PPM1K: variants seen among roughly 807,000 people sequenced by gnomAD.
The protein encoded by PPM1K is protein phosphatase, Mg2+/Mn2+ dependent 1K, also known as protein phosphatase Mn(2+)-dependent 1K.
In PPM1K, 19 loss-of-function variants were observed where a neutral mutation model predicts 32.6. The ratio of observed to expected loss-of-function variants is 0.58; its 90% CI spans 0.41 to 0.86. The LOEUF (loss-of-function observed/expected upper bound fraction) is 0.86. PPM1K is among the 40% of genes least tolerant of loss of function. The pLI is 0.00. For missense variants in PPM1K, 362 were observed against 461.2 expected (o/e 0.78, Z 1.97); for synonymous variants, 159 against 165.3 (o/e 0.96, Z 0.29).
rs187092157 is a variant in PPM1K, at chr4:88,259,355, T to G, written c.*3240A>C. Reference sequence around the variant, plus strand: ...ATTTACTTCTGAATCTATAAAGTACTTAAGAACTTATACTTGTGGAAAATC... The same window carrying G: ...ATTTACTTCTGAATCTATAAAGTACGTAAGAACTTATACTTGTGGAAAATC... On this transcript the variant is annotated 3_prime_UTR_variant, in exon 7 of 7. Transcript: ENST00000608933. The G allele has an allele frequency of 1.3e-5, 2 of 152,108 alleles. No homozygotes were observed. Among genetic ancestry groups the G allele is most frequent in the East Asian group, 3.9e-4 (2 of 5,176 alleles). 9.4% of individuals were successfully genotyped at this position (152,108 alleles called of 1,614,324 possible).
rs1169945812 is a variant in PPM1K, at chr4:88,260,789, G to A, written c.*1806C>T. On this transcript the variant is annotated 3_prime_UTR_variant, in exon 7 of 7. Coordinates refer to ENST00000608933, the MANE Select transcript of PPM1K (RefSeq NM_152542.5). Reference sequence around the variant, plus strand: ...AAAAAAAAAGTCAACTCAAAACACAGTTGAAGGTATATACTACATCAACTT... The same window carrying A: ...AAAAAAAAAGTCAACTCAAAACACAATTGAAGGTATATACTACATCAACTT... 6.6e-6 allele frequency: 1 copy of A among 150,574 alleles called. No homozygotes were observed. The highest frequency in any genetic ancestry group is 2.4e-5 in the African/African-American group (1 of 40,988). The allele number at this position is 150,574 out of a possible 1,614,324, so 9.3% of individuals were successfully genotyped here.
intron 1 of PPM1K, among the ~76,000 whole-genome samples, chr4:88,279,924 A>T (rs1241699473): frequency 1.3e-5 from 2 of 152,238 alleles, no homozygotes; most frequent in African/African-American, 4.8e-5. Context: ...GTATAAACAT[A>T]CACAAATGAA....
intron 3 of PPM1K, among the ~76,000 whole-genome samples, chr4:88,269,286 G>A (rs1247328023): frequency 6.6e-6 from 1 of 152,136 alleles, no homozygotes; most frequent in Non-Finnish European, 1.5e-5. Context: ...ATGATGGTGG[G>A]ATGACTTAGG....
intron 1 of PPM1K, among the ~76,000 whole-genome samples, chr4:88,282,380 A>G (rs1020091338): frequency 1.3e-5 from 2 of 152,198 alleles, no homozygotes; most frequent in Admixed American, 6.5e-5. Context: ...ATCCCTCTAG[A>G]AAAAATATTT....
intron 5 of PPM1K, among the ~76,000 whole-genome samples, chr4:88,267,589 G>A (rs1731388552): frequency 6.6e-6 from 1 of 152,224 alleles, no homozygotes; most frequent in African/African-American, 2.4e-5. Context: ...TGAAAAGGCA[G>A]GGGTACACTT....
intron 6 of PPM1K, among the ~76,000 whole-genome samples, chr4:88,264,524 T>C (rs895230965): frequency 6.6e-6 from 1 of 152,216 alleles, no homozygotes; most frequent in Non-Finnish European, 1.5e-5. Flanking sequence ...GGGAACCTAG[T>C]TGTCTGGGTT....
chr4:88,281,207 C>T (rs1417909642), intron 1 of PPM1K, among the ~76,000 whole-genome samples: 3 of 152,176 alleles, frequency 2.0e-5, no homozygotes, highest in Non-Finnish European at 4.4e-5. Context: ...ATTCTTTTGG[C>T]TTCGGTCTGA....
chr4:88,266,329 T>C (rs1214756090), intron 5 of PPM1K, among the ~76,000 whole-genome samples: 3 of 151,822 alleles, frequency 2.0e-5, no homozygotes, highest in African/African-American at 7.2e-5. Flanking sequence ...AGGTGGGCGA[T>C]TATTTGGCTT....
chr4:88,277,939 C>T, intron 2 of PPM1K: 1 of 594,788 alleles, frequency 1.7e-6, no homozygotes. Context: ...ATGCTTTCCC[C>T]AGGGGAGTTG....
rs747323013 is a variant in PPM1K, at chr4:88,259,181, G to C, written c.*3414C>G. The C allele has an allele frequency of 6.6e-6, 1 of 150,912 alleles. No homozygotes were observed. The highest frequency in any genetic ancestry group is 1.5e-5 in the Non-Finnish European group (1 of 67,916). The allele number at this position is 150,912 out of a possible 1,614,324, so 9.3% of individuals were successfully genotyped here. A position where few individuals can be genotyped will look rare whatever the true frequency, so the allele number is the denominator to read the frequency against. ...CTCAGGAGGCTGAGGCAGAAGAATCGTTTGAACCCGGGAGGCAGAGGTTGC... is the reference window on the plus strand; with the variant it reads ...CTCAGGAGGCTGAGGCAGAAGAATCCTTTGAACCCGGGAGGCAGAGGTTGC... On this transcript the variant is annotated 3_prime_UTR_variant, in exon 7 of 7. Coordinates refer to ENST00000608933, the MANE Select transcript of PPM1K (RefSeq NM_152542.5).
At chr4:88,276,577 A>G in intron 3 of PPM1K, 1 of 985,446 alleles carries the variant, frequency 1.0e-6, no homozygotes, top group South Asian at 4.7e-5. Flanking sequence ...ATCACTAGTT[A>G]CCAGAGAAAA....
At chr4:88,282,078 T>C (rs1732036008) in intron 1 of PPM1K, among the ~76,000 whole-genome samples, 1 of 152,058 alleles carries the variant, frequency 6.6e-6, no homozygotes, top group African/African-American at 2.4e-5. Flanking sequence ...TTGGGATGAG[T>C]TCATTATTCC....
In PPM1K at chr4:88,268,062, C is replaced by T. The variant is rs1016658404; in HGVS notation, c.852+128G>A. Reference sequence around the variant, plus strand: ...TATTTTACCTGAAAAGTTTTTTTATCCTTCCATAAATTACTCCCTTTTAAA... The same window carrying T: ...TATTTTACCTGAAAAGTTTTTTTATTCTTCCATAAATTACTCCCTTTTAAA... On this transcript the variant is annotated intron_variant, in intron 5 of 6. Coordinates refer to ENST00000608933, the MANE Select transcript of PPM1K (RefSeq NM_152542.5). 5 of 975,942 alleles carry T rather than the reference C, an allele frequency of 5.1e-6. No homozygotes were observed. In the African/African-American group the frequency reaches 6.6e-5, roughly 13 times the overall value. The allele number at this position is 975,942 out of a possible 1,614,324, so 60.5% of individuals were successfully genotyped here. A position where few individuals can be genotyped will look rare whatever the true frequency, so the allele number is the denominator to read the frequency against.
In PPM1K at chr4:88,268,774, TC is replaced by T; in HGVS notation, c.673del (p.Asp225ThrfsTer20). 5.0e-6 allele frequency: 8 copies of T among 1,614,044 alleles called. No individual in the cohort carries two copies. Among genetic ancestry groups the T allele is most frequent in the Non-Finnish European group, 6.8e-6 (8 of 1,179,908 alleles). Reference protein sequence around the residue: ...RKGKPMKLTIDHTPERKDEKE... With the variant: ...RKGKPMKLTIXHTPERKDEKE... ...TTCATCTTTTCTTTCTGGAGTATGG[TC>T]AATGGTCAGCTTCATGGGTTTTCCT... On this transcript the variant is annotated frameshift_variant, in exon 4 of 7. Transcript: ENST00000608933. LOFTEE classifies it high-confidence loss of function.
At position 88,268,208 on chromosome 4, in the gene PPM1K, A is replaced by G. The variant is rs768281546; in HGVS notation, c.834T>C (p.Pro278=). The change falls in exon 5 of 7, where the codon CCT becomes CCC. Residue 278 remains proline (P), a synonymous_variant. Transcript: ENST00000608933. ...TTCTTACCTTAATCCTCTTAGTTTCAGGTTCTGCTATGACACCACTGGTCT... is the reference window on the plus strand; with the variant it reads ...TTCTTACCTTAATCCTCTTAGTTTCGGGTTCTGCTATGACACCACTGGTCT... The part of the protein sequence containing the change: ...DLKTSGVIAE[P]ETKRIKLHHA... 5 of 1,614,122 alleles carry G rather than the reference A, an allele frequency of 3.1e-6. No homozygotes were observed. The East Asian group carries it at 6.7e-5, about 22-fold the overall frequency.
chr4:88,281,869 C>T (rs796483794), intron 1 of PPM1K, among the ~76,000 whole-genome samples: 23 of 152,228 alleles, frequency 1.5e-4, no homozygotes, highest in African/African-American at 4.6e-4. Flanking sequence ...GATCTGCCAT[C>T]ATAGACCCCA....
In PPM1K at chr4:88,271,143, A is replaced by C. The variant is rs780860100; in HGVS notation, c.542-2237T>G. 9.6e-6 allele frequency: 5 copies of C among 518,238 alleles called. No homozygotes were observed. The Admixed American group carries it at 9.7e-5, about 10-fold the overall frequency. 32.1% of individuals were successfully genotyped at this position (518,238 alleles called of 1,614,324 possible). ...CTCTTTCCACTGAAGCCCCGCATATAGTGTCCACGGGCTCCAGGTCTAGAG... is the reference window on the plus strand; with the variant it reads ...CTCTTTCCACTGAAGCCCCGCATATCGTGTCCACGGGCTCCAGGTCTAGAG... On this transcript the variant is annotated intron_variant, in intron 3 of 6. Transcript: ENST00000608933.
rs536479035 is a variant in PPM1K at position 88,280,494 on chromosome 4, G to A, written c.-59-1852C>T. Among the ~76,000 whole-genome samples, 67 of 152,328 alleles carry A rather than the reference G, an allele frequency of 4.4e-4. No homozygotes were observed. The South Asian group carries it at 0.013, about 30-fold the overall frequency. On this transcript the variant is annotated intron_variant, in intron 1 of 6. Transcript: ENST00000608933. ...AAGAGAATTAACATGGCCGGACCCGGTGGCTCACACTTGTAATCCCAGCAC... is the reference window on the plus strand; with the variant it reads ...AAGAGAATTAACATGGCCGGACCCGATGGCTCACACTTGTAATCCCAGCAC...
intron 1 of PPM1K, among the ~76,000 whole-genome samples, chr4:88,280,071 A>G (rs1346633394): frequency 6.6e-6 from 1 of 152,252 alleles, no homozygotes; most frequent in Non-Finnish European, 1.5e-5. Flanking sequence ...GTCAAAAGAA[A>G]GAATGAGGTT....
Sources: allele counts gnomAD v4.1 joint callset (sites outside exome capture counted in the v4.1 genomes callset), GRCh38; gene constraint gnomAD v4.1.1; transcripts MANE v1.5; gene names NCBI Gene and HGNC (gene_info 2026-07-23, HGNC 2026-07-21).